The following DENND1A variants were observed in gnomAD, a reference collection of about 807,000 sequenced individuals.
DENND1A encodes DENN domain-containing protein 1A.
A neutral mutation model predicts 113.7 loss-of-function variants in DENND1A; 51 were observed. The observed-to-expected ratio is 0.45, with a 90% CI of 0.36 to 0.57. The LOEUF (loss-of-function observed/expected upper bound fraction) is 0.57, where lower values mean the gene tolerates loss of function less well. Ranked by LOEUF, DENND1A falls within the 20% of genes least tolerant of loss-of-function variation. DENND1A has a pLI of 0.00. For synonymous variants in DENND1A, 565 were observed against 570.8 expected (o/e 0.99, Z 0.14); for missense variants, 1,258 against 1,395.9 (o/e 0.90, Z 1.57).
At chr9:123,488,885 G>C (rs914689004) in intron 13 of DENND1A, among the ~76,000 whole-genome samples, 1 of 152,146 alleles carries the variant, frequency 6.6e-6, no homozygotes, top group Non-Finnish European at 1.5e-5. Flanking sequence ...GAGAGGGCCT[G>C]CCGAGCCACC....
intron 12 of DENND1A, among the ~76,000 whole-genome samples, chr9:123,572,524 T>C (rs866247805): frequency 9.8e-5 from 15 of 152,330 alleles, no homozygotes; most frequent in Middle Eastern, 6.8e-3. Context: ...TACCAGTGGG[T>C]ATGCAGTAGA....
chr9:123,426,824 A>C (rs1303122999), intron 19 of DENND1A, among the ~76,000 whole-genome samples: 1 of 152,220 alleles, frequency 6.6e-6, no homozygotes, highest in Non-Finnish European at 1.5e-5. Flanking sequence ...GCAGATACTT[A>C]ACATGAAATC....
chr9:123,758,694 TA>T (rs1482227297), intron 4 of DENND1A, among the ~76,000 whole-genome samples: 6 of 152,192 alleles, frequency 3.9e-5, no homozygotes, highest in Non-Finnish European at 1.5e-5. Context: ...GGAAAAAAGC[TA>T]AAAATATATC....
At chr9:123,888,783 AC>A (rs1849470848) in intron 1 of DENND1A, among the ~76,000 whole-genome samples, 1 of 152,208 alleles carries the variant, frequency 6.6e-6, no homozygotes, top group Non-Finnish European at 1.5e-5. Context: ...TGTTATTGGG[AC>A]CACTAGTGAA....
chr9:123,819,069 A>C (rs1472057002), intron 2 of DENND1A, among the ~76,000 whole-genome samples: 1 of 152,248 alleles, frequency 6.6e-6, no homozygotes, highest in Non-Finnish European at 1.5e-5. Flanking sequence ...CATGGGGTCC[A>C]GGAAGCTGGG....
intron 13 of DENND1A, among the ~76,000 whole-genome samples, chr9:123,464,234 T>A (rs1489616803): frequency 1.3e-5 from 2 of 152,090 alleles, no homozygotes; most frequent in Non-Finnish European, 2.9e-5. Context: ...AATAACTAAA[T>A]GAGGGATGAG....
At chr9:123,617,938 TA>T (rs11309745) in intron 10 of DENND1A, among the ~76,000 whole-genome samples, 65,234 of 151,920 alleles carry the variant, frequency 0.43, 14,581 homozygotes, top group African/African-American at 0.55. Context: ...AAAAAAAGGA[TA>T]AAAAAATAGC....
At chr9:123,412,792 G>A (rs978338027) in intron 19 of DENND1A, among the ~76,000 whole-genome samples, 1 of 152,166 alleles carries the variant, frequency 6.6e-6, no homozygotes, top group African/African-American at 2.4e-5. Context: ...CAATCCCCGG[G>A]AGGCTTCCGG....
rs756546545 is a variant in DENND1A, at chr9:123,671,274, T to C, written c.453+17A>G. Reference sequence around the variant, plus strand: ...GAAATGCGTTTTCAGTGATGGCTAATACTCCGCCCCACTTACCACGCTGAG... The same window carrying C: ...GAAATGCGTTTTCAGTGATGGCTAACACTCCGCCCCACTTACCACGCTGAG... On this transcript the variant is annotated intron_variant, in intron 7 of 23. Coordinates refer to ENST00000394215, the MANE Select transcript of DENND1A (RefSeq NM_001352964.2). 40 of 1,613,718 alleles carry C rather than the reference T, an allele frequency of 2.5e-5. 1 individual carries two copies. Among genetic ancestry groups the C allele is most frequent in the Middle Eastern group, 3.4e-4 (2 of 5,928 alleles).
rs1451667060 is a variant in DENND1A at position 123,617,316 on chromosome 9, C to T, written c.720-7835G>A. On this transcript the variant is annotated intron_variant, in intron 10 of 23. Coordinates refer to ENST00000394215, the MANE Select transcript of DENND1A (RefSeq NM_001352964.2). The stretch of plus-strand genomic sequence containing the variant: ...ATTTGTGGTTTCGACAGCAAGAGCA[C>T]GGGGCCCTGCCACAGCAGAGGTGAG... Among the ~76,000 whole-genome samples, 3 of 152,252 alleles carry T rather than the reference C, an allele frequency of 2.0e-5. No individual in the cohort carries two copies. In the East Asian group the frequency reaches 5.8e-4, roughly 29 times the overall value.
chr9:123,483,481 C>T (rs2050525448), intron 13 of DENND1A, among the ~76,000 whole-genome samples: 1 of 152,242 alleles, frequency 6.6e-6, no homozygotes, highest in Non-Finnish European at 1.5e-5. Context: ...CCTCTGTGTG[C>T]AGACAGTCTC....
chr9:123,450,981 AT>A (rs886757427), intron 17 of DENND1A, among the ~76,000 whole-genome samples: 16 of 150,630 alleles, frequency 1.1e-4, no homozygotes, highest in South Asian at 8.4e-4. Flanking sequence ...GATGGCACAG[AT>A]TTTTTTTTTC....
chr9:123,593,120 G>A (rs1324954059), intron 11 of DENND1A, among the ~76,000 whole-genome samples: 1 of 152,192 alleles, frequency 6.6e-6, no homozygotes. Context: ...TCCCTCCAGG[G>A]AAGGGCAAAG....
chr9:123,385,109 G>A (rs999114763), intron 22 of DENND1A, among the ~76,000 whole-genome samples: 3 of 152,170 alleles, frequency 2.0e-5, no homozygotes, highest in South Asian at 2.1e-4. Context: ...GAGAGGCAGC[G>A]CCTGGGTCAA....
At chr9:123,556,244 A>C (rs1329426793) in intron 13 of DENND1A, among the ~76,000 whole-genome samples, 1 of 152,204 alleles carries the variant, frequency 6.6e-6, no homozygotes, top group African/African-American at 2.4e-5. Context: ...CAGGCAGCCT[A>C]GAGAGTAAGG....
chr9:123,912,714 G>T (rs751643923), intron 1 of DENND1A, among the ~76,000 whole-genome samples: 14 of 152,078 alleles, frequency 9.2e-5, no homozygotes, highest in Non-Finnish European at 1.9e-4. Context: ...TGTGGTTTCA[G>T]TGGAGACCCT....
chr9:123,838,485 T>G (rs1371190813), intron 2 of DENND1A, among the ~76,000 whole-genome samples: 8 of 152,110 alleles, frequency 5.3e-5, no homozygotes, highest in African/African-American at 1.9e-4. Flanking sequence ...TGATGATACT[T>G]GAGGAGCAAT....
At chr9:123,398,005 C>T (rs79899198) in intron 21 of DENND1A, among the ~76,000 whole-genome samples, 1,898 of 152,298 alleles carry the variant, frequency 0.012, 33 homozygotes, top group Non-Finnish European at 0.014. Flanking sequence ...GGTGTGCAGT[C>T]GAAAGCACTT....
chr9:123,873,445 G>A (rs1318931536), intron 2 of DENND1A, among the ~76,000 whole-genome samples: 1 of 152,134 alleles, frequency 6.6e-6, no homozygotes, highest in African/African-American at 2.4e-5. Flanking sequence ...CACTAGTGTA[G>A]ACATTAAAAG....
Sources: allele counts gnomAD v4.1 joint callset (sites outside exome capture counted in the v4.1 genomes callset), GRCh38; gene constraint gnomAD v4.1.1; transcripts MANE v1.5; gene names NCBI Gene and HGNC (gene_info 2026-07-23, HGNC 2026-07-21).